MAPKAP1: variants seen among roughly 807,000 people sequenced by gnomAD.
MAPKAP1 encodes the protein MAPK associated protein 1.
A neutral mutation model predicts 65.7 loss-of-function variants in MAPKAP1; 20 were observed. The observed-to-expected ratio is 0.30, with a 90% CI of 0.21 to 0.44. The LOEUF is 0.44. MAPKAP1 is among the 20% of genes least tolerant of loss of function. The pLI is 1.00. For missense variants in MAPKAP1, 423 were observed against 648.0 expected (o/e 0.65, Z 3.77); for synonymous variants, 222 against 244.3 (o/e 0.91, Z 0.85).
At chr9:125,578,574 G>A (rs1831521238) in intron 5 of MAPKAP1, among the ~76,000 whole-genome samples, 1 of 152,040 alleles carries the variant, frequency 6.6e-6, no homozygotes, top group African/African-American at 2.4e-5. Context: ...TGAAGAAAGA[G>A]CAAAGAAGAG....
At chr9:125,453,209 AC>A (rs1191307455) in intron 10 of MAPKAP1, among the ~76,000 whole-genome samples, 8 of 152,188 alleles carry the variant, frequency 5.3e-5, no homozygotes, top group African/African-American at 1.9e-4. Context: ...GGGGTGCAAC[AC>A]CAGGCCTGGC....
chr9:125,697,778 G>A (rs4838286), intron 1 of MAPKAP1, among the ~76,000 whole-genome samples: 45,456 of 151,932 alleles, frequency 0.3, 7,839 homozygotes, highest in Non-Finnish European at 0.39. Flanking sequence ...GTGCTTTCCA[G>A]AAAAGTTTTA....
chr9:125,464,157 A>G (rs1853594256), intron 10 of MAPKAP1, among the ~76,000 whole-genome samples: 1 of 131,946 alleles, frequency 7.6e-6, no homozygotes, highest in South Asian at 2.7e-4. Flanking sequence ...TGAGCCCAGG[A>G]GTTTGAGCCC....
chr9:125,574,821 T>G (rs573033677), intron 5 of MAPKAP1, among the ~76,000 whole-genome samples: 1 of 152,366 alleles, frequency 6.6e-6, no homozygotes, highest in Non-Finnish European at 1.5e-5. Context: ...TTTTCTCATT[T>G]TATTTTCATT....
rs183395064 is a variant in MAPKAP1 at position 125,651,187 on chromosome 9, T to C, written c.498+6464A>G. 4.8e-3 allele frequency among the ~76,000 whole-genome samples: 732 copies of C among 152,290 alleles called. 3 individuals carry two copies. The highest frequency in any genetic ancestry group is 8.5e-3 in the Non-Finnish European group (578 of 68,026). ...AATGGTAGTGAATATCTAAACTCCA[T>C]CTTCTTTTAGAAATAGAATAGACTA... On this transcript the variant is annotated intron_variant, in intron 4 of 11. Coordinates refer to ENST00000265960, the MANE Select transcript of MAPKAP1 (RefSeq NM_001006617.3).
At chr9:125,585,451 T>C (rs1241220212) in intron 5 of MAPKAP1, 104 bp downstream of exon 5, 1 of 1,234,684 alleles carries the variant, frequency 8.1e-7, no homozygotes. Context: ...AGTGCAGAAG[T>C]GTGGTTCCAG....
intron 4 of MAPKAP1, among the ~76,000 whole-genome samples, chr9:125,614,478 G>C (rs1832689304): frequency 6.6e-6 from 1 of 152,104 alleles, no homozygotes; most frequent in Non-Finnish European, 1.5e-5. Context: ...ACAAAACTTA[G>C]CCGGGTGTGG....
chr9:125,551,476 C>T (rs1201191298), intron 6 of MAPKAP1, among the ~76,000 whole-genome samples: 2 of 152,178 alleles, frequency 1.3e-5, no homozygotes, highest in African/African-American at 4.8e-5. Flanking sequence ...GGGCTAAGAC[C>T]TTCCACTGTT....
chr9:125,688,539 G>A (rs1260888834), intron 1 of MAPKAP1, among the ~76,000 whole-genome samples: 2 of 152,148 alleles, frequency 1.3e-5, no homozygotes, highest in Non-Finnish European at 2.9e-5. Context: ...GGGTGAGAAT[G>A]TTCCACAACA....
intron 4 of MAPKAP1, among the ~76,000 whole-genome samples, chr9:125,653,374 G>C (rs1833945879): frequency 6.6e-6 from 1 of 152,190 alleles, no homozygotes; most frequent in Non-Finnish European, 1.5e-5. Flanking sequence ...GGAAAGTCAT[G>C]TGGAAAATAT....
chr9:125,463,190 C>T (rs1224256546), intron 10 of MAPKAP1, among the ~76,000 whole-genome samples: 2 of 152,234 alleles, frequency 1.3e-5, no homozygotes, highest in Non-Finnish European at 2.9e-5. Flanking sequence ...TTCTCTTAAG[C>T]CCCAGTGCAA....
intron 7 of MAPKAP1, among the ~76,000 whole-genome samples, chr9:125,523,381 C>T (rs1829674222): frequency 6.6e-6 from 1 of 152,156 alleles, no homozygotes; most frequent in South Asian, 2.1e-4. Context: ...GGAGACCTGA[C>T]CAAGAGCACA....
intron 4 of MAPKAP1, among the ~76,000 whole-genome samples, chr9:125,636,409 T>A (rs1833425662): frequency 6.6e-6 from 1 of 152,222 alleles, no homozygotes. Context: ...AACGCATATA[T>A]ATCAAGATAC....
chr9:125,512,689 C>G, intron 7 of MAPKAP1, among the ~76,000 whole-genome samples: 1 of 152,006 alleles, frequency 6.6e-6, no homozygotes, highest in Non-Finnish European at 1.5e-5. Flanking sequence ...TCACGCTATT[C>G]TCCTGCCTCA....
In MAPKAP1 at chr9:125,672,656, T is replaced by G. The variant is rs1834530097; in HGVS notation, c.-69-13A>C. On this transcript the variant is annotated splice_polypyrimidine_tract_variant and intron_variant, in intron 1 of 11. Coordinates refer to ENST00000265960, the MANE Select transcript of MAPKAP1 (RefSeq NM_001006617.3). ...CGAGCTCACCTACCTAGAAACATGA[T>G]GTACACAGCAAATATTTAAGAATAA... 5 of 1,454,672 alleles carry G rather than the reference T, an allele frequency of 3.4e-6. No individual in the cohort carries two copies. Among genetic ancestry groups the G allele is most frequent in the Non-Finnish European group, 4.7e-6 (5 of 1,056,696 alleles). The allele number at this position is 1,454,672 out of a possible 1,614,324, so 90.1% of individuals were successfully genotyped here.
chr9:125,456,546 A>G (rs1244442499), intron 10 of MAPKAP1, among the ~76,000 whole-genome samples: 1 of 152,200 alleles, frequency 6.6e-6, no homozygotes, highest in African/African-American at 2.4e-5. Flanking sequence ...ACTTGCTTCT[A>G]ATGAATAATA....
chr9:125,657,443 A>G (rs1834063922), intron 4 of MAPKAP1, among the ~76,000 whole-genome samples: 1 of 152,182 alleles, frequency 6.6e-6, no homozygotes, highest in Non-Finnish European at 1.5e-5. Context: ...TTTTTGTTTT[A>G]ATCCTCCCAA....
chr9:125,662,552 G>T (rs1036808688), intron 3 of MAPKAP1, among the ~76,000 whole-genome samples: 1 of 151,860 alleles, frequency 6.6e-6, no homozygotes, highest in East Asian at 1.9e-4. Context: ...GTGTGGTGGC[G>T]GGCACCCGTA....
At chr9:125,618,371 A>AAAAAAG (rs1832803741) in intron 4 of MAPKAP1, among the ~76,000 whole-genome samples, 1 of 138,802 alleles carries the variant, frequency 7.2e-6, no homozygotes, top group Non-Finnish European at 1.6e-5. Context: ...AAAAAAAAAA[A>AAAAAAG]GGCAATAGGC....
Sources: allele counts gnomAD v4.1 joint callset (sites outside exome capture counted in the v4.1 genomes callset), GRCh38; gene constraint gnomAD v4.1.1; transcripts MANE v1.5; gene names NCBI Gene and HGNC (gene_info 2026-07-23, HGNC 2026-07-21).